Variants in CNTNAP2 observed in about 807,000 individuals in gnomAD.
CNTNAP2 encodes contactin associated protein 2.
In CNTNAP2, 98 loss-of-function variants were observed where a neutral mutation model predicts 155.2. The ratio of observed to expected loss-of-function variants is 0.63; its 90% CI spans 0.54 to 0.75. The LOEUF (loss-of-function observed/expected upper bound fraction) is 0.75, where lower values mean the gene tolerates loss of function less well. Among genes scored for constraint, CNTNAP2 ranks in the 30% least tolerant of loss-of-function variants. The pLI, the probability that CNTNAP2 is intolerant of heterozygous loss-of-function variation, is 0.00. For missense variants in CNTNAP2, 1,727 were observed against 1,688.1 expected, an observed-to-expected ratio of 1.02 and a Z score of -0.40; for synonymous variants, 651 against 631.2, an observed-to-expected ratio of 1.03 and a Z score of -0.47.
intron 4 of CNTNAP2, among the ~76,000 whole-genome samples, chr7:147,045,993 A>G (rs1477713789): frequency 6.6e-6 from 1 of 152,234 alleles, no homozygotes; most frequent in Non-Finnish European, 1.5e-5. Context: ...TAGCATTACC[A>G]CAGTAGATGA....
chr7:147,473,659 C>T lies in CNTNAP2; in HGVS notation c.1671-12276C>T, dbSNP rs568516985. Among the ~76,000 whole-genome samples the T allele has an allele frequency of 1.6e-4, 24 of 152,264 alleles. No homozygotes were observed. In the South Asian group the frequency reaches 4.4e-3, roughly 28 times the overall value. On this transcript the variant is annotated intron_variant, in intron 10 of 23. Transcript: ENST00000361727. ...CCAAGGAAACCACTGTAACAGCATC[C>T]AGTGTCTTCCTTTCAGAAATATTCT...
chr7:146,514,404 G>A (rs551880355), intron 1 of CNTNAP2, among the ~76,000 whole-genome samples: 14 of 151,968 alleles, frequency 9.2e-5, no homozygotes, highest in African/African-American at 2.7e-4. Context: ...TCTCATAGGC[G>A]TTCTTTGTTT....
chr7:146,590,045 G>C (rs181592041), intron 1 of CNTNAP2, among the ~76,000 whole-genome samples: 1 of 152,320 alleles, frequency 6.6e-6, no homozygotes, highest in Admixed American at 6.5e-5. Context: ...AATTTTAGCT[G>C]TGTGCCAGGA....
chr7:147,899,305 A>C (rs996320330), intron 13 of CNTNAP2, among the ~76,000 whole-genome samples: 1 of 152,274 alleles, frequency 6.6e-6, no homozygotes, highest in Admixed American at 6.5e-5. Context: ...GCTCCACTGC[A>C]CTCCAGCCTG....
chr7:147,687,964 A>G (rs1293396922), intron 13 of CNTNAP2, among the ~76,000 whole-genome samples: 2 of 152,152 alleles, frequency 1.3e-5, no homozygotes, highest in African/African-American at 4.8e-5. Context: ...TTTTGCAAGG[A>G]GGACCTTCTT....
chr7:146,596,604 AG>A (rs1798863455), intron 1 of CNTNAP2, among the ~76,000 whole-genome samples: 1 of 134,908 alleles, frequency 7.4e-6, no homozygotes, highest in Admixed American at 7.2e-5. Flanking sequence ...ACAGAGAGAG[AG>A]AGAGAGAGAG....
At chr7:147,151,162 C>G (rs1160867989) in intron 8 of CNTNAP2, among the ~76,000 whole-genome samples, 1 of 152,110 alleles carries the variant, frequency 6.6e-6, no homozygotes, top group African/African-American at 2.4e-5. Context: ...TGAGAGTATC[C>G]AAGTTTTACA....
intron 13 of CNTNAP2, among the ~76,000 whole-genome samples, chr7:147,824,873 T>C (rs1798423225): frequency 6.6e-6 from 1 of 152,132 alleles, no homozygotes; most frequent in Non-Finnish European, 1.5e-5. Flanking sequence ...TGTCACGTGA[T>C]ACCATAATGG....
chr7:148,023,998 A>C (rs1403305978), intron 15 of CNTNAP2, among the ~76,000 whole-genome samples: 1 of 152,112 alleles, frequency 6.6e-6, no homozygotes, highest in African/African-American at 2.4e-5. Context: ...ATTCACATAA[A>C]AGGAGGCCTG....
chr7:147,516,933 C>G (rs778154231), intron 11 of CNTNAP2, among the ~76,000 whole-genome samples: 20 of 149,564 alleles, frequency 1.3e-4, no homozygotes, highest in Non-Finnish European at 1.8e-4. Flanking sequence ...GCAATCTCGG[C>G]TCACTGCGAC....
chr7:146,969,901 T>C (rs1234764317), intron 3 of CNTNAP2, among the ~76,000 whole-genome samples: 5 of 152,080 alleles, frequency 3.3e-5, no homozygotes, highest in Admixed American at 6.6e-5. Context: ...TCAGAAATAA[T>C]GCCGCATATC....
At chr7:147,147,453 A>G (rs189099541) in intron 8 of CNTNAP2, among the ~76,000 whole-genome samples, 40 of 152,288 alleles carry the variant, frequency 2.6e-4, no homozygotes, top group Middle Eastern at 3.4e-3. Flanking sequence ...ATTTAATTCA[A>G]TAAATGATTC....
chr7:148,020,620 A>G (rs1802263043), intron 15 of CNTNAP2, among the ~76,000 whole-genome samples: 1 of 152,242 alleles, frequency 6.6e-6, no homozygotes, highest in Admixed American at 6.5e-5. Context: ...AGAAGGAGTG[A>G]ATTATATGAT....
chr7:147,094,033 C>T (rs1324976560), intron 4 of CNTNAP2, among the ~76,000 whole-genome samples: 2 of 152,174 alleles, frequency 1.3e-5, no homozygotes, highest in African/African-American at 4.8e-5. Context: ...CAGCTCACGG[C>T]TCTTTCATGC....
chr7:147,533,486 TAAAAG>T (rs764404933), intron 11 of CNTNAP2, among the ~76,000 whole-genome samples: 10 of 151,882 alleles, frequency 6.6e-5, no homozygotes, highest in South Asian at 4.2e-4. Context: ...GATACAGAAA[TAAAAG>T]AAAAGTTAAA....
chr7:146,662,768 G>C (rs1800114786), intron 1 of CNTNAP2, among the ~76,000 whole-genome samples: 1 of 152,056 alleles, frequency 6.6e-6, no homozygotes, highest in South Asian at 2.1e-4. Context: ...TTCATTTTAA[G>C]TTGGTTGAGT....
chr7:147,513,813 C>T (rs1303042519), intron 11 of CNTNAP2, among the ~76,000 whole-genome samples: 8 of 152,228 alleles, frequency 5.3e-5, no homozygotes, highest in African/African-American at 9.6e-5. Flanking sequence ...GAACCAGAGA[C>T]GCATGCTTCA....
chr7:146,811,160 A>T (rs1423759345), intron 2 of CNTNAP2, among the ~76,000 whole-genome samples: 1 of 152,094 alleles, frequency 6.6e-6, no homozygotes, highest in Non-Finnish European at 1.5e-5. Flanking sequence ...ATTACATTGG[A>T]AGTGTTCCCA....
At chr7:146,627,388 A>C (rs959429615) in intron 1 of CNTNAP2, among the ~76,000 whole-genome samples, 2 of 152,202 alleles carry the variant, frequency 1.3e-5, no homozygotes, top group Non-Finnish European at 2.9e-5. Flanking sequence ...TACTTCATGT[A>C]AAATGAAAGC....
Sources: allele counts gnomAD v4.1 joint callset (sites outside exome capture counted in the v4.1 genomes callset), GRCh38; gene constraint gnomAD v4.1.1; transcripts MANE v1.5; gene names NCBI Gene and HGNC (gene_info 2026-07-23, HGNC 2026-07-21).